Variants in NISCH observed in about 807,000 individuals in gnomAD.
NISCH encodes the protein nischarin, also known as I-1 receptor candidate protein.
NISCH carries 55 observed loss-of-function variants against 138.4 expected under a neutral mutation model. That is an observed-to-expected ratio of 0.40 (90% confidence interval 0.32 to 0.50). The LOEUF is 0.50. Ranked by LOEUF, NISCH falls within the 20% of genes least tolerant of loss-of-function variation. The pLI is 0.71. For synonymous variants in NISCH, 860 were observed against 861.5 expected, an observed-to-expected ratio of 1.00 and a Z score of 0.03; for missense variants, 1,643 against 2,005.5, an observed-to-expected ratio of 0.82 and a Z score of 3.45.
chr3:52,461,632 G>C lies in NISCH; in HGVS notation c.360+2788G>C, dbSNP rs184074438. 5.3e-4 allele frequency among the ~76,000 whole-genome samples: 81 copies of C among 152,314 alleles called. 1 individual carries two copies. The East Asian group carries it at 0.015, about 28-fold the overall frequency. On this transcript the variant is annotated intron_variant, in intron 3 of 20. Coordinates refer to ENST00000345716, the MANE Select transcript of NISCH (RefSeq NM_007184.4). Reference sequence around the variant, plus strand: ...TAATCCCAGCACTTTGGGAGGCCGAGGCGGGTGGATCACGAGGTCAGGAGA... The same window carrying C: ...TAATCCCAGCACTTTGGGAGGCCGACGCGGGTGGATCACGAGGTCAGGAGA...
chr3:52,481,076 A>G (rs2153231470), intron 13 of NISCH: 1 of 1,310,216 alleles, frequency 7.6e-7, no homozygotes, highest in Non-Finnish European at 9.7e-7. Flanking sequence ...CCGATGTTTT[A>G]AGAGCCAGAA....
intron 3 of NISCH, among the ~76,000 whole-genome samples, chr3:52,466,225 T>G (rs1559625765): frequency 6.6e-6 from 1 of 152,166 alleles, no homozygotes; most frequent in Non-Finnish European, 1.5e-5. Context: ...ATCACACATA[T>G]TATGCCTGAC....
chr3:52,487,160 C>T lies in NISCH; in HGVS notation c.1704-36C>T. 2 of 1,579,770 alleles carry T rather than the reference C, an allele frequency of 1.3e-6. No homozygotes were observed. Among genetic ancestry groups the T allele is most frequent in the Non-Finnish European group, 1.7e-6 (2 of 1,159,710 alleles). On this transcript the variant is annotated intron_variant, in intron 15 of 20. Coordinates refer to ENST00000345716, the MANE Select transcript of NISCH (RefSeq NM_007184.4). This position sits in a 1 kb window ranked among gnomAD's most constrained non-coding sequence, Gnocchi z 9.1. ...CAGGTGGGAGGTGGGAGGGGCCCCTCCCAGCATGCCACTGACCTGGCCTCT... is the reference window on the plus strand; with the variant it reads ...CAGGTGGGAGGTGGGAGGGGCCCCTTCCAGCATGCCACTGACCTGGCCTCT...
At chr3:52,480,410 A>G (rs1217543594) in intron 13 of NISCH, 115 bp downstream of exon 13, 1 of 1,551,766 alleles carries the variant, frequency 6.4e-7, no homozygotes, top group South Asian at 1.2e-5. Context: ...GGTCAGACAC[A>G]GGGAGGGCAG....
At chr3:52,470,987 G>A (rs957186305) in intron 4 of NISCH, 80 bp downstream of exon 4, 10 of 1,480,206 alleles carry the variant, frequency 6.8e-6, no homozygotes, top group Non-Finnish European at 8.5e-6. Context: ...GGATGGCATA[G>A]AAGTCACTCT....
chr3:52,488,684 T>TGGGCTGGGAGTTGCTGCGA, intron 16 of NISCH, 79 bp downstream of exon 16: 1 of 1,273,378 alleles, frequency 7.9e-7, no homozygotes, highest in Non-Finnish European at 1.1e-6. Flanking sequence ...GCGGCTAGTG[T>TGGGCTGGGAGTTGCTGCGA]GGGCTGGGAG....
chr3:52,461,085 C>G (rs1156919295), intron 3 of NISCH, among the ~76,000 whole-genome samples: 1 of 152,108 alleles, frequency 6.6e-6, no homozygotes, highest in Non-Finnish European at 1.5e-5. Flanking sequence ...ACTAAAAATA[C>G]AAAAATTAGC....
chr3:52,461,462 A>G (rs1706629157), intron 3 of NISCH, among the ~76,000 whole-genome samples: 1 of 152,226 alleles, frequency 6.6e-6, no homozygotes, highest in Non-Finnish European at 1.5e-5. Flanking sequence ...AGGGTTAGCA[A>G]CATACCCTTT....
rs766610599 is a variant in NISCH at position 52,487,541 on chromosome 3, C to T, written c.2049C>T (p.Ala683=). 52 of 1,609,106 alleles carry T rather than the reference C, an allele frequency of 3.2e-5. No homozygotes were observed. Among genetic ancestry groups the T allele is most frequent in the Non-Finnish European group, 4.0e-5 (47 of 1,176,610 alleles). ...EEEEEEEDEE[A]EEERLALEWA... ...AGGAGGAAGAGGAGGATGAAGAGGCCGAGGAGGAGCGCCTGGCTCTGGAAT... is the reference window on the plus strand; with the variant it reads ...AGGAGGAAGAGGAGGATGAAGAGGCTGAGGAGGAGCGCCTGGCTCTGGAAT... Residue 683 remains alanine, a synonymous_variant, in exon 16 of 21, where the codon GCC becomes GCT. Transcript: ENST00000345716. The surrounding 1 kb of genome is among the most constrained non-coding windows in gnomAD (Gnocchi z 9.1).
intron 3 of NISCH, among the ~76,000 whole-genome samples, chr3:52,467,438 G>A (rs1312007312): frequency 6.6e-6 from 1 of 152,218 alleles, no homozygotes; most frequent in Admixed American, 6.5e-5. Context: ...CTGGCGTGGG[G>A]AGGCCTGACT....
chr3:52,484,462 T>TGGGGCG, intron 13 of NISCH, 51 bp from the exon 14 acceptor site: 10 of 788,668 alleles, frequency 1.3e-5, no homozygotes, highest in Non-Finnish European at 1.6e-5. Context: ...ACAGCCGCTC[T>TGGGGCG]CCCCGCCCCA....
Position 52,488,285 on chromosome 3 carries a change from C to T in NISCH, c.2793C>T (p.Gly931=), listed in dbSNP as rs140308061. Residue 931 remains glycine (G), a synonymous_variant, in exon 16 of 21, where the codon GGC becomes GGT. Transcript: ENST00000345716. ...ACTTCAACCCCATGCCCAACCGTGG[C>T]ACCCACAACTGTCGCAACCGCAACA... is the stretch of plus-strand genomic sequence containing the variant. ...KADFNPMPNR[G]THNCRNRNSF... The T allele has an allele frequency of 6.2e-7, 1 of 1,610,600 alleles. No homozygotes were observed. The highest frequency in any genetic ancestry group is 8.5e-7 in the Non-Finnish European group (1 of 1,179,984).
rs1707596258 is a variant in NISCH at position 52,492,446 on chromosome 3, G to A, written c.4479G>A (p.Leu1493=). ...ISLLARQWEA[L]CGRELPVELT... ...TGTTGGCTCGCCAGTGGGAGGCCCTGTGTGGCCGTGAGCTGCCTGTCGAGC... is the reference window on the plus strand; with the variant it reads ...TGTTGGCTCGCCAGTGGGAGGCCCTATGTGGCCGTGAGCTGCCTGTCGAGC... The change falls in exon 21 of 21, where the codon CTG becomes CTA. Residue 1493 remains leucine (L), a synonymous_variant. Coordinates refer to ENST00000345716, the MANE Select transcript of NISCH (RefSeq NM_007184.4). The A allele has an allele frequency of 6.2e-7, 1 of 1,610,234 alleles. No homozygotes were observed. Among genetic ancestry groups the A allele is most frequent in the Non-Finnish European group, 8.5e-7 (1 of 1,178,900 alleles).
intron 1 of NISCH, among the ~76,000 whole-genome samples, chr3:52,456,659 T>C (rs1706480751): frequency 6.6e-6 from 1 of 152,168 alleles, no homozygotes; most frequent in Non-Finnish European, 1.5e-5. Context: ...AACCTTCCGC[T>C]CTGAGGGCCA....
At chr3:52,457,561 C>A (rs1706509272) in intron 1 of NISCH, among the ~76,000 whole-genome samples, 1 of 152,148 alleles carries the variant, frequency 6.6e-6, no homozygotes, top group Non-Finnish European at 1.5e-5. Context: ...CTTTTTCATT[C>A]CTTACTGATG....
intron 3 of NISCH, among the ~76,000 whole-genome samples, chr3:52,461,585 C>T (rs577074326): frequency 2.6e-5 from 4 of 152,216 alleles, no homozygotes; most frequent in South Asian, 4.1e-4. Flanking sequence ...CTTTAAAGGC[C>T]GGGCGCAGTG....
At chr3:52,471,674 C>CTT in intron 4 of NISCH, 140 bp from the exon 5 acceptor site, 1 of 934,194 alleles carries the variant, frequency 1.1e-6, no homozygotes, top group Middle Eastern at 2.8e-4. Context: ...GCAGCAGCTC[C>CTT]TGCATGCCCA....
intron 13 of NISCH, 28 bp downstream of exon 13, chr3:52,480,323 T>G (rs536374065): frequency 6.2e-7 from 1 of 1,612,972 alleles, no homozygotes; most frequent in East Asian, 2.2e-5. Flanking sequence ...TTGCTTCTAG[T>G]GGAGCCACAC....
At chr3:52,488,723 C>T (rs368009574) in intron 16 of NISCH, 118 bp downstream of exon 16, 1 of 878,558 alleles carries the variant, frequency 1.1e-6, no homozygotes, top group Non-Finnish European at 1.7e-6. Flanking sequence ...CCCCTCCCCC[C>T]CTGCCCCTCG....
Sources: allele counts gnomAD v4.1 joint callset (sites outside exome capture counted in the v4.1 genomes callset), GRCh38; gene constraint gnomAD v4.1.1; non-coding constraint Gnocchi (gnomAD v3.1); transcripts MANE v1.5; gene names NCBI Gene and HGNC (gene_info 2026-07-23, HGNC 2026-07-21).